CDC27: variants seen among roughly 807,000 people sequenced by gnomAD.
The protein encoded by CDC27 is cell division cycle 27.
A neutral mutation model predicts 109.7 loss-of-function variants in CDC27; 27 were observed. That is an observed-to-expected ratio of 0.25 (90% CI 0.18 to 0.34). CDC27 has a LOEUF of 0.34. CDC27 is among the 10% of genes least tolerant of loss of function. The pLI, the probability that CDC27 is intolerant of heterozygous loss-of-function variation, is 1.00. For missense variants in CDC27, 579 were observed against 960.2 expected (o/e 0.60, Z 5.25); for synonymous variants, 266 against 333.9 (o/e 0.80, Z 2.22).
intron 10 of CDC27, among the ~76,000 whole-genome samples, chr17:47,143,013 C>CA (rs1300461649): frequency 1.3e-5 from 2 of 151,286 alleles, no homozygotes; most frequent in Non-Finnish European, 2.9e-5. Context: ...ATTCTGTTGC[C>CA]CGTGCTGGAG....
Position 47,117,820 on chromosome 17 carries a change from C to T in CDC27, c.*3115G>A, listed in dbSNP as rs185259037. 16 of 152,258 alleles carry T rather than the reference C, an allele frequency of 1.1e-4. No homozygotes were observed. The highest frequency in any genetic ancestry group is 3.8e-4 in the African/African-American group (16 of 41,562). The allele number at this position is 152,258 out of a possible 1,614,324, so 9.4% of individuals were successfully genotyped here. A position where few individuals can be genotyped will look rare whatever the true frequency, so the allele number is the denominator to read the frequency against. ...TTTAAAAAATTAGATAAACATTGCT[C>T]TAGTTTTTTGTGAAACATAAAACTG... On this transcript the variant is annotated 3_prime_UTR_variant, in exon 19 of 19. Transcript: ENST00000066544.
At chr17:47,150,028 A>G (rs752603952) in intron 9 of CDC27, among the ~76,000 whole-genome samples, 7 of 152,190 alleles carry the variant, frequency 4.6e-5, no homozygotes, top group Non-Finnish European at 5.9e-5. Context: ...CACAACCACA[A>G]TAATGCACTG....
At chr17:47,160,218 C>A (rs1344743832) in intron 4 of CDC27, among the ~76,000 whole-genome samples, 2 of 151,464 alleles carry the variant, frequency 1.3e-5, no homozygotes, top group Non-Finnish European at 2.9e-5. Flanking sequence ...AGCATTGCTG[C>A]CTCTCTAGCT....
At chr17:47,134,474 GTTT>G (rs112150744) in intron 14 of CDC27, among the ~76,000 whole-genome samples, 1 of 146,768 alleles carries the variant, frequency 6.8e-6, no homozygotes, top group Non-Finnish European at 1.5e-5. Flanking sequence ...ATGCCTAATT[GTTT>G]TTTTTTTGTT....
chr17:47,124,011 G>T (rs1272585952), intron 16 of CDC27, 51 bp from the exon 17 acceptor site: 3 of 1,268,486 alleles, frequency 2.4e-6, no homozygotes, highest in South Asian at 2.7e-5. Flanking sequence ...TTAAAGTTTT[G>T]ACCAAGCGTT....
intron 14 of CDC27, among the ~76,000 whole-genome samples, 167 bp downstream of exon 14, chr17:47,136,985 C>T (rs570145229): frequency 3.3e-5 from 5 of 152,284 alleles, no homozygotes; most frequent in South Asian, 2.1e-4. Context: ...TTGTTAAAGA[C>T]GTACATTTCA....
At chr17:47,159,601 C>T in intron 4 of CDC27, 1 of 465,224 alleles carries the variant, frequency 2.1e-6, no homozygotes, top group South Asian at 2.5e-5. Context: ...AGAGTTTGGC[C>T]AGGATGTTGA....
intron 15 of CDC27, among the ~76,000 whole-genome samples, chr17:47,129,970 A>G (rs1329791624): frequency 2.2e-5 from 3 of 135,408 alleles, no homozygotes; most frequent in African/African-American, 8.0e-5. Context: ...CGGTCTTTCA[A>G]ATATTAGACT....
chr17:47,187,663 C>T (rs2064496474), intron 1 of CDC27, among the ~76,000 whole-genome samples: 1 of 151,014 alleles, frequency 6.6e-6, no homozygotes, highest in Admixed American at 6.6e-5. Flanking sequence ...ATCAATGCAA[C>T]TAGTTTATCA....
intron 3 of CDC27, among the ~76,000 whole-genome samples, chr17:47,170,603 A>T (rs2063785367): frequency 6.6e-6 from 1 of 152,230 alleles, no homozygotes; most frequent in African/African-American, 2.4e-5. Flanking sequence ...TTAAAAACAG[A>T]ATCAATTACA....
intron 4 of CDC27, among the ~76,000 whole-genome samples, chr17:47,166,823 T>C (rs2063662727): frequency 6.6e-6 from 1 of 152,172 alleles, no homozygotes. Context: ...TAAAATCTCC[T>C]GTGAGACTTC....
chr17:47,122,493 C>A lies in CDC27; in HGVS notation c.2343G>T (p.Lys781Asn), dbSNP rs1357811907. 1.9e-6 allele frequency: 3 copies of A among 1,610,300 alleles called. No individual in the cohort carries two copies. Residue 781 changes from lysine to asparagine, a missense_variant, in exon 18 of 19, where the codon AAG (lysine) becomes AAT (asparagine). This residue lies in a region of CDC27 where 227 missense variants were observed against 363.6 expected (regional missense o/e 0.62). Transcript: ENST00000066544. ...GCTCCTCATCATCTGGAAGATAACG[C>A]TTATCAATTGCCTCTTTAATCTGGT... The part of the protein sequence containing the change: ...ANNQIKEAID[K>N]RYLPDDEEPI...
chr17:47,158,127 T>C, intron 5 of CDC27, 79 bp downstream of exon 5: 1 of 536,676 alleles, frequency 1.9e-6, no homozygotes, highest in Non-Finnish European at 3.3e-6. Context: ...ATGATCTGTA[T>C]TGCTCTCCAA....
chr17:47,137,620 T>C (rs1395183597), intron 13 of CDC27, among the ~76,000 whole-genome samples: 1 of 152,210 alleles, frequency 6.6e-6, no homozygotes, highest in Admixed American at 6.5e-5. Context: ...GGTTGAATAA[T>C]GTGACTCTAC....
intron 3 of CDC27, 42 bp downstream of exon 3, chr17:47,171,874 GT>G: frequency 7.1e-7 from 1 of 1,401,800 alleles, no homozygotes; most frequent in Non-Finnish European, 9.8e-7. Context: ...AAATTCAACA[GT>G]GTAAGTAAAA....
rs1452070546 is a variant in CDC27, at chr17:47,181,635, A to T, written c.30T>A (p.Ala10=). 5.6e-6 allele frequency: 9 copies of T among 1,594,894 alleles called. No homozygotes were observed. Among genetic ancestry groups the T allele is most frequent in the Non-Finnish European group, 7.7e-6 (9 of 1,165,180 alleles). The change falls in exon 2 of 19, where the codon GCT becomes GCA. Residue 10 remains alanine (A), a splice_region_variant and synonymous_variant. Coordinates refer to ENST00000066544, the MANE Select transcript of CDC27 (RefSeq NM_001256.6). ...AGTGGTTTAGTGCTTGCCATATAGC[A>T]GCCTGCAAATGGAGGAAAAAGAACA... MTVLQEPVQ[A]AIWQALNHYA... is the part of the protein sequence containing the mutation.
In CDC27 at chr17:47,122,586, T is replaced by C. The variant is rs185330758; in HGVS notation, c.2250A>G (p.Leu750=). ...TCATCAGGGCGAGGTGCGTTTGACC[T>C]AACTTCTTGTAAACCTAAAAATAAA... ...YFLIGKVYKK[L]GQTHLALMNF... is the part of the protein sequence containing the mutation. The change falls in exon 18 of 19, where the codon TTA becomes TTG. Residue 750 remains leucine (L), a synonymous_variant. Transcript: ENST00000066544. 2 of 1,586,924 alleles carry C rather than the reference T, an allele frequency of 1.3e-6. No homozygotes were observed. The highest frequency in any genetic ancestry group is 2.2e-5 in the East Asian group (1 of 44,492).
chr17:47,132,179 AT>A, intron 15 of CDC27, 77 bp downstream of exon 15: 1 of 743,398 alleles, frequency 1.3e-6, no homozygotes, highest in South Asian at 2.2e-5. Context: ...ACCAATTTTT[AT>A]CACAGCAATT....
Position 47,157,394 on chromosome 17 carries a change from CAA to C in CDC27, c.476-12_476-11del, listed in dbSNP as rs11372544. ...GGATCTGGCTTTTCACCTGTGAAGA[CAA>C]AAAAAAAAAAAGTTTGTCTCTGAGG... is the stretch of plus-strand genomic sequence containing the variant. On this transcript the variant is annotated splice_polypyrimidine_tract_variant and intron_variant, in intron 5 of 18. Coordinates refer to ENST00000066544, the MANE Select transcript of CDC27 (RefSeq NM_001256.6). The C allele has an allele frequency of 1.3e-3, 1,756 of 1,386,698 alleles. No homozygotes were observed. Among genetic ancestry groups the C allele is most frequent in the South Asian group, 4.0e-3 (295 of 72,976 alleles). 85.9% of individuals were successfully genotyped at this position (1,386,698 alleles called of 1,614,324 possible). A position where few individuals can be genotyped will look rare whatever the true frequency, so the allele number is the denominator to read the frequency against.
Sources: allele counts gnomAD v4.1 joint callset (sites outside exome capture counted in the v4.1 genomes callset), GRCh38; gene constraint gnomAD v4.1.1; regional missense constraint gnomAD v4.1.1; transcripts MANE v1.5; gene names NCBI Gene and HGNC (gene_info 2026-07-23, HGNC 2026-07-21).